Variants in PARD3B observed in about 807,000 individuals in gnomAD.
The protein encoded by PARD3B is par-3 family cell polarity regulator beta, also known as partitioning defective 3 homolog B.
In PARD3B, 103 loss-of-function variants were observed where a neutral mutation model predicts 130.2. That is an observed-to-expected ratio of 0.79 (90% CI 0.67 to 0.93). The LOEUF is 0.93. Ranked by LOEUF, PARD3B falls within the 40% of genes least tolerant of loss-of-function variation. The pLI is 0.00. For synonymous variants in PARD3B, 583 were observed against 553.2 expected, an observed-to-expected ratio of 1.05 and a Z score of -0.76; for missense variants, 1,609 against 1,499.2, an observed-to-expected ratio of 1.07 and a Z score of -1.21.
chr2:204,956,458 T>TA (rs1017576271), intron 2 of PARD3B, among the ~76,000 whole-genome samples: 2 of 152,286 alleles, frequency 1.3e-5, no homozygotes, highest in South Asian at 2.1e-4. Flanking sequence ...GAATATTCTT[T>TA]AAAAAAAGCA....
chr2:204,772,795 G>T (rs577723051), intron 2 of PARD3B, among the ~76,000 whole-genome samples: 1 of 152,136 alleles, frequency 6.6e-6, no homozygotes, highest in South Asian at 2.1e-4. Context: ...TATTTTGTAT[G>T]GTTTATATAA....
At chr2:204,588,132 T>C (rs1008406227) in intron 1 of PARD3B, among the ~76,000 whole-genome samples, 1 of 152,208 alleles carries the variant, frequency 6.6e-6, no homozygotes, top group East Asian at 1.9e-4. Context: ...CAAGTCATGG[T>C]ATCTGACTTT....
At chr2:205,161,377 A>G (rs1046307912) in intron 11 of PARD3B, among the ~76,000 whole-genome samples, 2 of 152,192 alleles carry the variant, frequency 1.3e-5, no homozygotes, top group African/African-American at 2.4e-5. Context: ...GCATATTTAT[A>G]GCTGATCTTA....
At position 205,287,225 on chromosome 2, in the gene PARD3B, G is replaced by A. The variant is rs1219474405; in HGVS notation, c.2186-13305G>A. On this transcript the variant is annotated intron_variant, in intron 16 of 22. Transcript: ENST00000406610. The surrounding 1 kb of genome is among the most constrained non-coding windows in gnomAD (Gnocchi z 4.8). ...GGATTGTTATGTGGATGAGAGATTG[G>A]AGAATAGAATATGAAGTCAAGACTG... 6.6e-6 allele frequency among the ~76,000 whole-genome samples: 1 copy of A among 152,184 alleles called. No homozygotes were observed. Among genetic ancestry groups the A allele is most frequent in the East Asian group, 1.9e-4 (1 of 5,180 alleles).
In PARD3B at chr2:205,341,473, A is replaced by G. The variant is rs1323549966; in HGVS notation, c.2630+39772A>G. 6.6e-6 allele frequency among the ~76,000 whole-genome samples: 1 copy of G among 152,148 alleles called. No homozygotes were observed. The highest frequency in any genetic ancestry group is 1.5e-5 in the Non-Finnish European group (1 of 67,988). On this transcript the variant is annotated intron_variant, in intron 18 of 22. Transcript: ENST00000406610. The surrounding 1 kb of genome is among the most constrained non-coding windows in gnomAD (Gnocchi z 4.3). ...ATGAGCCTGGAGGACATTATGTTAAACAAAATAAGTCAGGCACAGAAAGAT... is the reference window on the plus strand; with the variant it reads ...ATGAGCCTGGAGGACATTATGTTAAGCAAAATAAGTCAGGCACAGAAAGAT...
Position 204,795,294 on chromosome 2 carries a change from G to C in PARD3B, c.222+109012G>C, listed in dbSNP as rs150382686. 5.1e-3 allele frequency among the ~76,000 whole-genome samples: 770 copies of C among 152,294 alleles called. 9 individuals carry two copies. Among genetic ancestry groups the C allele is most frequent in the African/African-American group, 0.017 (706 of 41,568 alleles). On this transcript the variant is annotated intron_variant, in intron 2 of 22. Transcript: ENST00000406610. ...ATAGTGATTGAGTCATTTTGATAGT[G>C]ATTGGAGACATTCCTTCACCACTGC...
intron 21 of PARD3B, among the ~76,000 whole-genome samples, chr2:205,544,194 T>C (rs1251259813): frequency 6.6e-6 from 1 of 152,186 alleles, no homozygotes; most frequent in African/African-American, 2.4e-5. Flanking sequence ...CTGTGTACTC[T>C]GCTCCTGGAG....
At chr2:204,665,778 A>G (rs1482762899) in intron 1 of PARD3B, among the ~76,000 whole-genome samples, 1 of 152,192 alleles carries the variant, frequency 6.6e-6, no homozygotes, top group Non-Finnish European at 1.5e-5. Flanking sequence ...AATTAGTGGG[A>G]TAAATGAGAT....
intron 18 of PARD3B, among the ~76,000 whole-genome samples, chr2:205,331,066 A>G (rs765174230): frequency 2.0e-5 from 3 of 152,148 alleles, no homozygotes; most frequent in Non-Finnish European, 4.4e-5. Flanking sequence ...GTGTTGGCGA[A>G]AAAGGCAGCC....
chr2:205,212,760 A>G (rs560912711), intron 15 of PARD3B, among the ~76,000 whole-genome samples: 4 of 152,266 alleles, frequency 2.6e-5, no homozygotes, highest in Admixed American at 2.6e-4. Context: ...ATAACCTCTG[A>G]TGTTACTGAT....
intron 2 of PARD3B, among the ~76,000 whole-genome samples, chr2:204,823,323 G>A (rs1256770807): frequency 6.6e-6 from 1 of 151,668 alleles, no homozygotes; most frequent in Non-Finnish European, 1.5e-5. Context: ...GAAAACATGA[G>A]TGCCATTTAT....
In PARD3B at chr2:205,365,082, C is replaced by T. The variant is rs141010223; in HGVS notation, c.2631-35931C>T. Among the ~76,000 whole-genome samples the T allele has an allele frequency of 5.5e-3, 831 of 152,090 alleles. 10 individuals carry two copies. Among genetic ancestry groups the T allele is most frequent in the African/African-American group, 0.019 (797 of 41,476 alleles). ...AGGCATGGTGGCAGGCGCCTGTAATCCCAGCTACTTGGGAGGCTAAGGCAG... is the reference window on the plus strand; with the variant it reads ...AGGCATGGTGGCAGGCGCCTGTAATTCCAGCTACTTGGGAGGCTAAGGCAG... On this transcript the variant is annotated intron_variant, in intron 18 of 22. Transcript: ENST00000406610.
intron 11 of PARD3B, among the ~76,000 whole-genome samples, chr2:205,164,519 A>T (rs572618574): frequency 6.7e-4 from 102 of 152,164 alleles, no homozygotes; most frequent in Non-Finnish European, 1.0e-3. Context: ...TTTCTTGCTG[A>T]TCTTTATCAC....
At chr2:205,546,030 T>C (rs1284147329) in intron 21 of PARD3B, among the ~76,000 whole-genome samples, 2 of 152,194 alleles carry the variant, frequency 1.3e-5, no homozygotes, top group African/African-American at 4.8e-5. Context: ...TAGCTTTATT[T>C]TAACAAGGCT....
At chr2:205,222,221 G>A (rs2038280855) in intron 15 of PARD3B, among the ~76,000 whole-genome samples, 1 of 151,780 alleles carries the variant, frequency 6.6e-6, no homozygotes, top group Admixed American at 6.6e-5. Flanking sequence ...CATATAGGTT[G>A]GTATGAAATT....
chr2:205,230,944 A>G lies in PARD3B; in HGVS notation c.2141-14834A>G, dbSNP rs2038804861. ...ACTGAGTTCCAGTGCAAAGTCTCCA[A>G]TCACTATGCTCTCCCTCCCCAAGGT... On this transcript the variant is annotated intron_variant, in intron 15 of 22. Coordinates refer to ENST00000406610, the MANE Select transcript of PARD3B (RefSeq NM_001302769.2). This position sits in a 1 kb window ranked among gnomAD's most constrained non-coding sequence, Gnocchi z 4.1. 6.6e-6 allele frequency among the ~76,000 whole-genome samples: 1 copy of G among 151,954 alleles called. No homozygotes were observed. Among genetic ancestry groups the G allele is most frequent in the South Asian group, 2.1e-4 (1 of 4,804 alleles).
At chr2:205,079,779 A>G (rs540606327) in intron 4 of PARD3B, among the ~76,000 whole-genome samples, 19 of 152,206 alleles carry the variant, frequency 1.2e-4, no homozygotes, top group Middle Eastern at 3.4e-3. Context: ...ACCAAAAAAC[A>G]TTTAATAAGA....
In PARD3B at chr2:205,325,647, CCT is replaced by C. The variant is rs1311295735; in HGVS notation, c.2630+23948_2630+23949del. On this transcript the variant is annotated intron_variant, in intron 18 of 22. Coordinates refer to ENST00000406610, the MANE Select transcript of PARD3B (RefSeq NM_001302769.2). The surrounding 1 kb of genome is among the most constrained non-coding windows in gnomAD (Gnocchi z 4.1). ...GGGCTAAGTGATCCTCCCACCTCAGCCTCCCAAATAGCTGGGATTGCAAGTAT... is the reference window on the plus strand; with the variant it reads ...GGGCTAAGTGATCCTCCCACCTCAGCCCCAAATAGCTGGGATTGCAAGTAT... Among the ~76,000 whole-genome samples, 1 of 152,106 alleles carries C rather than the reference CCT, an allele frequency of 6.6e-6. No individual in the cohort carries two copies. The highest frequency in any genetic ancestry group is 1.5e-5 in the Non-Finnish European group (1 of 68,012).
intron 2 of PARD3B, among the ~76,000 whole-genome samples, chr2:204,703,946 G>A (rs2038015090): frequency 6.6e-6 from 1 of 152,002 alleles, no homozygotes. Flanking sequence ...ATATCAAAAA[G>A]GTTAATTAGA....
Sources: gnomAD v4.1 joint callset for allele counts (sites outside exome capture counted in the v4.1 genomes callset) on GRCh38, gnomAD v4.1.1 for gene constraint, Gnocchi (gnomAD v3.1) non-coding constraint, MANE v1.5 for transcripts, NCBI Gene and HGNC (gene_info 2026-07-23, HGNC 2026-07-21) for gene names.